Variants in SLC9A9 observed in about 807,000 individuals in gnomAD.
The protein encoded by SLC9A9 is sodium/hydrogen exchanger 9.
In SLC9A9, 62 loss-of-function variants were observed where a neutral mutation model predicts 77.8. The observed-to-expected ratio is 0.80, with a 90% CI of 0.65 to 0.98. The LOEUF (loss-of-function observed/expected upper bound fraction) is 0.98. Ranked by LOEUF, SLC9A9 falls within the 50% of genes least tolerant of loss-of-function variation. The probability of loss-of-function intolerance (pLI) is 0.00; values close to 1 mark genes in which losing one functional copy is unlikely to be tolerated. For missense variants in SLC9A9, 775 were observed against 774.9 expected (o/e 1.00, Z 0.00); for synonymous variants, 320 against 283.5 (o/e 1.13, Z -1.29).
At chr3:143,746,248 G>T (rs1040413719) in intron 4 of SLC9A9, among the ~76,000 whole-genome samples, 1 of 152,186 alleles carries the variant, frequency 6.6e-6, no homozygotes, top group African/African-American at 2.4e-5. Flanking sequence ...AAAGATAATG[G>T]CAGCTTAAAC....
Position 143,618,892 on chromosome 3 carries a change from C to T in SLC9A9, c.755+33363G>A, listed in dbSNP as rs80353615. 9.9e-5 allele frequency among the ~76,000 whole-genome samples: 15 copies of T among 152,240 alleles called. No individual in the cohort carries two copies. In the East Asian group the frequency reaches 2.9e-3, roughly 29 times the overall value. On this transcript the variant is annotated intron_variant, in intron 6 of 15. Transcript: ENST00000316549. ...AGTGAAAGACTCAGAGGGTTTAGACCATTCTTCTGAAGAGAGAATTGGCAG... is the reference window on the plus strand; with the variant it reads ...AGTGAAAGACTCAGAGGGTTTAGACTATTCTTCTGAAGAGAGAATTGGCAG...
intron 4 of SLC9A9, among the ~76,000 whole-genome samples, chr3:143,729,033 T>C (rs1229448550): frequency 6.6e-6 from 1 of 152,140 alleles, no homozygotes; most frequent in Non-Finnish European, 1.5e-5. Flanking sequence ...ATAATGAAAG[T>C]AAGTGCTTTG....
chr3:143,357,054 C>T (rs1466093789), intron 14 of SLC9A9, among the ~76,000 whole-genome samples: 2 of 152,206 alleles, frequency 1.3e-5, no homozygotes, highest in Non-Finnish European at 2.9e-5. Flanking sequence ...GTTATAATGC[C>T]ATGTGCATAT....
chr3:143,593,888 T>G (rs1576598087), intron 6 of SLC9A9, among the ~76,000 whole-genome samples: 1 of 152,138 alleles, frequency 6.6e-6, no homozygotes, highest in African/African-American at 2.4e-5. Context: ...ACAAACCTAA[T>G]GCCAGAATGT....
chr3:143,544,172 T>C (rs1283609049), intron 9 of SLC9A9, among the ~76,000 whole-genome samples: 1 of 152,272 alleles, frequency 6.6e-6, no homozygotes, highest in Non-Finnish European at 1.5e-5. Flanking sequence ...ATGTTTTCTT[T>C]TGAGAAGTGT....
chr3:143,363,522 ACT>A lies in SLC9A9; in HGVS notation c.1564_1565del (p.Ser522CysfsTer9), dbSNP rs1017068723. 3 of 1,612,832 alleles carry A rather than the reference ACT, an allele frequency of 1.9e-6. No homozygotes were observed. On this transcript the variant is annotated frameshift_variant, in exon 14 of 16. Transcript: ENST00000316549. LOFTEE classifies it high-confidence loss of function. Reference protein sequence around the residue: ...NLDKNMTKAESARLFRMWYSF... With the variant: ...NLDKNMTKAEXARLFRMWYSF... ...TATACCACATTCTGAAGAGCCGAGC[ACT>A]CTCTGCTTTCGTCATGTTTTTATCC...
At chr3:143,400,254 C>A (rs540523372) in intron 12 of SLC9A9, among the ~76,000 whole-genome samples, 1 of 152,206 alleles carries the variant, frequency 6.6e-6, no homozygotes, top group South Asian at 2.1e-4. Context: ...TATTTGCTGT[C>A]ATTGGGGAAA....
intron 12 of SLC9A9, among the ~76,000 whole-genome samples, chr3:143,445,069 A>C (rs2034818062): frequency 6.6e-6 from 1 of 152,160 alleles, no homozygotes; most frequent in Non-Finnish European, 1.5e-5. Flanking sequence ...TAGGTCAGAA[A>C]GTAAGCCACC....
chr3:143,483,831 T>C (rs567594296), intron 11 of SLC9A9, among the ~76,000 whole-genome samples: 1 of 152,280 alleles, frequency 6.6e-6, no homozygotes, highest in South Asian at 2.1e-4. Flanking sequence ...GGTTCTTATT[T>C]GATCTTTGAA....
At chr3:143,281,669 T>A (rs1938224683) in intron 14 of SLC9A9, among the ~76,000 whole-genome samples, 1 of 152,216 alleles carries the variant, frequency 6.6e-6, no homozygotes, top group East Asian at 1.9e-4. Flanking sequence ...GTGGTGGACT[T>A]TAGATCAAGA....
chr3:143,538,287 GC>G (rs1415172609), intron 9 of SLC9A9, among the ~76,000 whole-genome samples: 1 of 152,110 alleles, frequency 6.6e-6, no homozygotes, highest in Admixed American at 6.5e-5. Context: ...CTTGGATGAA[GC>G]AAAAGACCCC....
chr3:143,838,594 T>C (rs1172953614), intron 1 of SLC9A9, among the ~76,000 whole-genome samples: 1 of 152,214 alleles, frequency 6.6e-6, no homozygotes, highest in East Asian at 1.9e-4. Flanking sequence ...ACATCATATT[T>C]AGTCTATATT....
intron 12 of SLC9A9, among the ~76,000 whole-genome samples, chr3:143,394,187 A>G (rs542292065): frequency 4.0e-4 from 61 of 152,310 alleles, no homozygotes; most frequent in African/African-American, 1.4e-3. Flanking sequence ...GATGAACATC[A>G]ATGCAAAAAT....
At chr3:143,644,168 T>C (rs954468217) in intron 6 of SLC9A9, among the ~76,000 whole-genome samples, 1 of 152,208 alleles carries the variant, frequency 6.6e-6, no homozygotes, top group Admixed American at 6.5e-5. Context: ...TCAATCCCTG[T>C]TAAACAGGCC....
chr3:143,456,093 G>C (rs1017861473), intron 12 of SLC9A9, among the ~76,000 whole-genome samples: 4 of 151,644 alleles, frequency 2.6e-5, no homozygotes, highest in South Asian at 4.2e-4. Flanking sequence ...CTTATTCCTG[G>C]TTTGCCAAAA....
intron 6 of SLC9A9, among the ~76,000 whole-genome samples, chr3:143,644,819 A>G (rs1290669078): frequency 6.6e-6 from 1 of 152,150 alleles, no homozygotes; most frequent in Non-Finnish European, 1.5e-5. Flanking sequence ...ATCAAAATAA[A>G]TGAGTTTCAT....
At chr3:143,683,709 T>C (rs1933175435) in intron 5 of SLC9A9, among the ~76,000 whole-genome samples, 1 of 152,112 alleles carries the variant, frequency 6.6e-6, no homozygotes, top group African/African-American at 2.4e-5. Context: ...GAGATTTGCT[T>C]TTAAAAATTA....
chr3:143,684,272 G>A (rs534335038), intron 5 of SLC9A9, among the ~76,000 whole-genome samples: 1 of 151,948 alleles, frequency 6.6e-6, no homozygotes, highest in Admixed American at 6.6e-5. Flanking sequence ...TAGTGTTGAT[G>A]ATGATACAGA....
At chr3:143,407,155 T>C (rs191611002) in intron 12 of SLC9A9, among the ~76,000 whole-genome samples, 7 of 152,330 alleles carry the variant, frequency 4.6e-5, no homozygotes, top group Non-Finnish European at 8.8e-5. Context: ...CAGGAAATAT[T>C]CTCTTTGTAG....
Sources: allele counts gnomAD v4.1 joint callset (sites outside exome capture counted in the v4.1 genomes callset), GRCh38; gene constraint gnomAD v4.1.1; transcripts MANE v1.5; gene names NCBI Gene and HGNC (gene_info 2026-07-23, HGNC 2026-07-21).